ROBO2: variants seen among roughly 807,000 people sequenced by gnomAD.
ROBO2 encodes roundabout guidance receptor 2.
ROBO2 carries 53 observed loss-of-function variants against 160.8 expected under a neutral mutation model. The observed-to-expected ratio is 0.33, with a 90% CI of 0.26 to 0.41. ROBO2 has a LOEUF of 0.41. ROBO2 is among the 10% of genes least tolerant of loss of function. ROBO2 has a pLI of 1.00. For missense variants in ROBO2, 1,577 were observed against 1,722.4 expected, an observed-to-expected ratio of 0.92 and a Z score of 1.49; for synonymous variants, 664 against 611.7, an observed-to-expected ratio of 1.09 and a Z score of -1.26.
At chr3:76,032,815 G>C (rs573192232) in intron 2 of ROBO2, among the ~76,000 whole-genome samples, 2 of 152,232 alleles carry the variant, frequency 1.3e-5, no homozygotes, top group East Asian at 1.9e-4. Flanking sequence ...ACTATGGCAT[G>C]CTAGTTTAAA....
intron 7 of ROBO2, among the ~76,000 whole-genome samples, chr3:77,547,910 T>G (rs527593884): frequency 1.3e-5 from 2 of 152,056 alleles, no homozygotes; most frequent in East Asian, 3.9e-4. Flanking sequence ...CGTCTCAGAC[T>G]CTAAAGTAAG....
chr3:76,204,350 C>A (rs1228405094), intron 2 of ROBO2, among the ~76,000 whole-genome samples: 1 of 152,236 alleles, frequency 6.6e-6, no homozygotes, highest in South Asian at 2.1e-4. Flanking sequence ...AATCAAGGCT[C>A]TTCTGCAAAA....
At chr3:76,837,684 C>T (rs1441731876) in intron 2 of ROBO2, among the ~76,000 whole-genome samples, 1 of 151,772 alleles carries the variant, frequency 6.6e-6, no homozygotes, top group South Asian at 2.1e-4. Context: ...TTGCAGCTTG[C>T]AAACAGCAAA....
chr3:76,355,098 C>CTATT (rs1559812159), intron 2 of ROBO2, among the ~76,000 whole-genome samples: 1 of 150,760 alleles, frequency 6.6e-6, no homozygotes, highest in Non-Finnish European at 1.5e-5. Context: ...GCAAGTGATG[C>CTATT]TATTATATTC....
intron 2 of ROBO2, among the ~76,000 whole-genome samples, chr3:76,672,343 A>G (rs1229416069): frequency 6.6e-6 from 1 of 152,186 alleles, no homozygotes; most frequent in African/African-American, 2.4e-5. Flanking sequence ...TTCATGTCCT[A>G]GTGACACTTA....
At chr3:76,590,009 T>C (rs1206055904) in intron 2 of ROBO2, among the ~76,000 whole-genome samples, 2 of 152,074 alleles carry the variant, frequency 1.3e-5, no homozygotes, top group Non-Finnish European at 2.9e-5. Flanking sequence ...TAATGAAAAA[T>C]ATGTAGGCTT....
chr3:77,134,258 T>C (rs532928150), intron 2 of ROBO2, among the ~76,000 whole-genome samples: 1 of 152,288 alleles, frequency 6.6e-6, no homozygotes, highest in South Asian at 2.1e-4. Context: ...CCACAGAGTC[T>C]TTTTGGTCTT....
chr3:77,229,813 A>C (rs1205923269), intron 2 of ROBO2, among the ~76,000 whole-genome samples: 2 of 152,150 alleles, frequency 1.3e-5, no homozygotes, highest in Non-Finnish European at 2.9e-5. Flanking sequence ...GGTGATATTT[A>C]TTTCAACCCG....
chr3:76,134,964 T>C (rs1430919955), intron 2 of ROBO2, among the ~76,000 whole-genome samples: 2 of 152,108 alleles, frequency 1.3e-5, no homozygotes, highest in Admixed American at 1.3e-4. Context: ...GTTGACCATA[T>C]AATGATTTTC....
intron 2 of ROBO2, among the ~76,000 whole-genome samples, chr3:76,083,168 G>C (rs2068890863): frequency 6.6e-6 from 1 of 152,042 alleles, no homozygotes; most frequent in African/African-American, 2.4e-5. Context: ...TCAGTCAAAA[G>C]GGAATGGAAT....
chr3:77,261,768 A>ATTT (rs10710219), intron 2 of ROBO2, among the ~76,000 whole-genome samples: 1,912 of 135,612 alleles, frequency 0.014, 20 homozygotes, highest in Middle Eastern at 0.023. Context: ...TTCTGATTTC[A>ATTT]TTTTTTTTTT....
At chr3:77,003,709 C>T (rs905575829) in intron 2 of ROBO2, among the ~76,000 whole-genome samples, 6 of 151,984 alleles carry the variant, frequency 3.9e-5, no homozygotes, top group African/African-American at 1.4e-4. Flanking sequence ...GCCACCACAC[C>T]CGGCTAATTT....
rs7612440 is a variant in ROBO2 at position 77,461,513 on chromosome 3, T to C, written c.389-15901T>C. On this transcript the variant is annotated intron_variant, in intron 2 of 25. Transcript: ENST00000461745. ...GTTGAATAACATTATATTTATGCTA[T>C]ACATAGATATATTCTTCATCACACT... Among the ~76,000 whole-genome samples the C allele has an allele frequency of 7.7e-3, 1,169 of 152,216 alleles. 22 individuals carry two copies. The highest frequency in any genetic ancestry group is 0.027 in the African/African-American group (1,104 of 41,568).
chr3:76,726,947 T>G (rs2093561581), intron 2 of ROBO2, among the ~76,000 whole-genome samples: 1 of 152,224 alleles, frequency 6.6e-6, no homozygotes, highest in Non-Finnish European at 1.5e-5. Flanking sequence ...GATGTGTTAT[T>G]ACAACCTGAA....
rs527573003 is a variant in ROBO2, at chr3:76,361,051, T to C, written c.109+423449T>C. Among the ~76,000 whole-genome samples, 12 of 152,246 alleles carry C rather than the reference T, an allele frequency of 7.9e-5. No individual in the cohort carries two copies. The South Asian group carries it at 2.3e-3, about 29-fold the overall frequency. ...CAAAATCTCAATTGATACAACCAGC[T>C]TCTATTAGTAATTTTTTTCATGTAA... On this transcript the variant is annotated intron_variant, in intron 2 of 26. Transcript: ENST00000487694.
At chr3:77,519,239 G>C (rs980288742) in intron 5 of ROBO2, among the ~76,000 whole-genome samples, 1 of 151,170 alleles carries the variant, frequency 6.6e-6, no homozygotes, top group Non-Finnish European at 1.5e-5. Flanking sequence ...TCCTATTCTT[G>C]TTTCCACCTT....
chr3:76,271,400 G>A (rs962826833), intron 2 of ROBO2, among the ~76,000 whole-genome samples: 1 of 151,382 alleles, frequency 6.6e-6, no homozygotes, highest in Non-Finnish European at 1.5e-5. Flanking sequence ...AAAAAAGATG[G>A]AGATACTTTC....
chr3:76,103,521 T>G (rs1004114356), intron 2 of ROBO2, among the ~76,000 whole-genome samples: 3 of 152,208 alleles, frequency 2.0e-5, no homozygotes, highest in African/African-American at 7.2e-5. Context: ...AGAATTATTC[T>G]TCGTAATGCT....
At chr3:76,073,846 T>A (rs549567507) in intron 2 of ROBO2, among the ~76,000 whole-genome samples, 5 of 152,226 alleles carry the variant, frequency 3.3e-5, no homozygotes, top group African/African-American at 9.6e-5. Context: ...CTGACAAATG[T>A]GAACAAGGGT....
Sources: gnomAD v4.1 joint callset for allele counts (sites outside exome capture counted in the v4.1 genomes callset) on GRCh38, gnomAD v4.1.1 for gene constraint, MANE v1.5 for transcripts, NCBI Gene and HGNC (gene_info 2026-07-23, HGNC 2026-07-21) for gene names.